ELMO1: variants seen among roughly 807,000 people sequenced by gnomAD.
ELMO1 encodes the protein engulfment and cell motility 1.
A neutral mutation model predicts 98.9 loss-of-function variants in ELMO1; 26 were observed. The observed-to-expected ratio is 0.26, with a 90% CI of 0.19 to 0.36. ELMO1 has a LOEUF of 0.36. Among genes scored for constraint, ELMO1 ranks in the 10% least tolerant of loss-of-function variants. ELMO1 has a pLI of 1.00. For missense variants in ELMO1, 627 were observed against 935.2 expected (o/e 0.67, Z 4.30); for synonymous variants, 346 against 346.0 (o/e 1.00, Z 0.00).
At chr7:37,404,415 G>A (rs546974477) in intron 1 of ELMO1, among the ~76,000 whole-genome samples, 1 of 152,252 alleles carries the variant, frequency 6.6e-6, no homozygotes, top group South Asian at 2.1e-4. Context: ...GCCACTCCCC[G>A]CCATTGGCAC....
At chr7:37,266,696 A>G (rs1282947639) in intron 5 of ELMO1, among the ~76,000 whole-genome samples, 2 of 152,158 alleles carry the variant, frequency 1.3e-5, no homozygotes, top group Non-Finnish European at 2.9e-5. Flanking sequence ...TAAAAATAAT[A>G]CCAGCACATG....
intron 4 of ELMO1, among the ~76,000 whole-genome samples, chr7:37,302,385 T>TTAGAGCCTTATGCAGCTTAAGCTG (rs1798395234): frequency 6.6e-6 from 1 of 152,034 alleles, no homozygotes; most frequent in African/African-American, 2.4e-5. Context: ...TAAGGCTAGG[T>TTAGAGCCTTATGCAGCTTAAGCTG]CATAACGAGC....
At chr7:37,437,471 A>C (rs1479018502) in intron 1 of ELMO1, among the ~76,000 whole-genome samples, 1 of 152,236 alleles carries the variant, frequency 6.6e-6, no homozygotes, top group Non-Finnish European at 1.5e-5. Context: ...GTATTTTAAC[A>C]GTTGGTACTT....
chr7:37,182,400 T>C (rs1790922541), intron 13 of ELMO1, among the ~76,000 whole-genome samples: 1 of 149,796 alleles, frequency 6.7e-6, no homozygotes. Context: ...TCTCAGCACA[T>C]ATAAGGTGGA....
rs185407045 is a variant in ELMO1 at position 37,416,037 on chromosome 7, A to G, written c.-74+32638T>C. On this transcript the variant is annotated intron_variant, in intron 1 of 21. Coordinates refer to ENST00000310758, the MANE Select transcript of ELMO1 (RefSeq NM_014800.11). The stretch of plus-strand genomic sequence containing the variant: ...CATTTCAGATTATCAGTAACATTAA[A>G]TGAGCATACAAATTCAAACCTGTGT... 2.6e-5 allele frequency among the ~76,000 whole-genome samples: 4 copies of G among 152,360 alleles called. No individual in the cohort carries two copies. The East Asian group carries it at 7.7e-4, about 29-fold the overall frequency.
chr7:36,917,055 A>AT (rs757551014), intron 16 of ELMO1, among the ~76,000 whole-genome samples: 3 of 152,210 alleles, frequency 2.0e-5, no homozygotes, highest in Non-Finnish European at 4.4e-5. Context: ...GCAGGGTGCA[A>AT]TTTTTTGAGA....
chr7:37,436,200 C>T (rs1460542137), intron 1 of ELMO1, among the ~76,000 whole-genome samples: 2 of 152,162 alleles, frequency 1.3e-5, no homozygotes, highest in Non-Finnish European at 2.9e-5. Flanking sequence ...TCTAAGTCTT[C>T]TTATGGGTCT....
chr7:37,271,804 TG>T (rs150000988), intron 5 of ELMO1, 27 bp downstream of exon 5: 1 of 1,610,466 alleles, frequency 6.2e-7, no homozygotes, highest in Non-Finnish European at 8.5e-7. Context: ...AAGAGTTTGC[TG>T]GAAGTCAGAA....
At position 37,240,044 on chromosome 7, in the gene ELMO1, C is replaced by CTTT. The variant is rs397943366; in HGVS notation, c.449+4309_449+4311dup. On this transcript the variant is annotated intron_variant, in intron 7 of 21. Coordinates refer to ENST00000310758, the MANE Select transcript of ELMO1 (RefSeq NM_014800.11). ...CTTAATTTTCTTTCTTTTTTTTTTT[C>CTTT]TTTTTTTTTTTTGAGACAGAGTCTC... is the stretch of plus-strand genomic sequence containing the variant. 1.7e-4 allele frequency among the ~76,000 whole-genome samples: 22 copies of CTTT among 133,040 alleles called. 1 individual carries two copies. The highest frequency in any genetic ancestry group is 4.2e-4 in the African/African-American group (15 of 35,858). The allele number at this position is 133,040 out of a possible 152,430, so 87.3% of individuals were successfully genotyped here. A position where few individuals can be genotyped will look rare whatever the true frequency, so the allele number is the denominator to read the frequency against.
chr7:36,862,814 A>G (rs572608493), intron 20 of ELMO1, among the ~76,000 whole-genome samples: 1 of 152,336 alleles, frequency 6.6e-6, no homozygotes, highest in East Asian at 1.9e-4. Flanking sequence ...ATTGCCCACA[A>G]AACATTCTTT....
At chr7:37,097,077 G>T (rs908116725) in intron 14 of ELMO1, among the ~76,000 whole-genome samples, 3 of 152,156 alleles carry the variant, frequency 2.0e-5, no homozygotes, top group Non-Finnish European at 4.4e-5. Flanking sequence ...CTTTTCTTGG[G>T]AATAGTAACT....
intron 14 of ELMO1, among the ~76,000 whole-genome samples, chr7:37,123,048 C>A (rs528173616): frequency 3.3e-5 from 5 of 151,604 alleles, no homozygotes; most frequent in Non-Finnish European, 7.4e-5. Flanking sequence ...AGGTACATAA[C>A]AAAATGAAAG....
chr7:37,446,003 T>C (rs986099256), intron 1 of ELMO1, among the ~76,000 whole-genome samples: 2 of 152,178 alleles, frequency 1.3e-5, no homozygotes, highest in African/African-American at 2.4e-5. Flanking sequence ...GTTCCTTTCT[T>C]CAGGCAGAAA....
intron 7 of ELMO1, among the ~76,000 whole-genome samples, chr7:37,235,525 C>T (rs1794413722): frequency 1.3e-5 from 2 of 152,140 alleles, no homozygotes; most frequent in South Asian, 4.1e-4. Flanking sequence ...CATATACACG[C>T]CATGGGAGGA....
intron 1 of ELMO1, among the ~76,000 whole-genome samples, chr7:37,448,224 A>G (rs1443698311): frequency 1.3e-5 from 2 of 151,568 alleles, no homozygotes; most frequent in South Asian, 2.1e-4. Flanking sequence ...CTCTAGCTCT[A>G]TAGGAATCTT....
chr7:37,029,428 G>A (rs1465885606), intron 15 of ELMO1, among the ~76,000 whole-genome samples: 3 of 151,236 alleles, frequency 2.0e-5, no homozygotes, highest in Admixed American at 1.3e-4. Context: ...AAATCACGGC[G>A]ATTATGAAGA....
intron 13 of ELMO1, among the ~76,000 whole-genome samples, chr7:37,184,750 A>G (rs1465852599): frequency 6.7e-6 from 1 of 148,950 alleles, no homozygotes; most frequent in Non-Finnish European, 1.5e-5. Flanking sequence ...TCTACCCCCC[A>G]AAAAAGACAA....
chr7:37,096,204 G>A (rs1784357302), intron 15 of ELMO1, among the ~76,000 whole-genome samples: 1 of 152,030 alleles, frequency 6.6e-6, no homozygotes, highest in Non-Finnish European at 1.5e-5. Flanking sequence ...GAGAGCAAGA[G>A]AATTTCATTA....
At chr7:37,224,793 A>G in intron 9 of ELMO1, 86 bp downstream of exon 9, 5 of 1,540,412 alleles carry the variant, frequency 3.2e-6, no homozygotes, top group South Asian at 2.4e-5. Context: ...TAACCAAACT[A>G]TAACAACATA....
Sources: gnomAD v4.1 joint callset for allele counts (sites outside exome capture counted in the v4.1 genomes callset) on GRCh38, gnomAD v4.1.1 for gene constraint, MANE v1.5 for transcripts, NCBI Gene and HGNC (gene_info 2026-07-23, HGNC 2026-07-21) for gene names.